LDB2: variants seen among roughly 807,000 people sequenced by gnomAD.
LDB2 encodes the protein LIM domain binding 2.
A neutral mutation model predicts 44.3 loss-of-function variants in LDB2; 12 were observed. The observed-to-expected ratio is 0.27, with a 90% CI of 0.17 to 0.44. The LOEUF is 0.44. LDB2 is among the 20% of genes least tolerant of loss of function. The pLI is 1.00. For synonymous variants in LDB2, 164 were observed against 174.8 expected, an observed-to-expected ratio of 0.94 and a Z score of 0.49; for missense variants, 344 against 473.5, an observed-to-expected ratio of 0.73 and a Z score of 2.54.
At chr4:16,507,104 T>C (rs538552318) in intron 7 of LDB2, 4 of 152,302 alleles carry the variant, frequency 2.6e-5, no homozygotes, top group East Asian at 3.9e-4. Flanking sequence ...TTTGGCTTTT[T>C]CCCCCTGATC....
chr4:16,865,991 T>G (rs1475608833), intron 1 of LDB2, among the ~76,000 whole-genome samples: 1 of 152,148 alleles, frequency 6.6e-6, no homozygotes, highest in African/African-American at 2.4e-5. Flanking sequence ...CTACCCCCAT[T>G]CAGGCACTCT....
intron 2 of LDB2, chr4:16,674,385 G>A (rs1578679109): frequency 2.9e-6 from 2 of 679,964 alleles, no homozygotes; most frequent in East Asian, 6.6e-5. Context: ...TGGAGGCGGT[G>A]TTAGAAGCAG....
chr4:16,617,457 C>T (rs533794678), intron 2 of LDB2, among the ~76,000 whole-genome samples: 3 of 152,252 alleles, frequency 2.0e-5, no homozygotes, highest in South Asian at 4.2e-4. Context: ...AAGCTGGATC[C>T]TGAACAAATA....
At chr4:16,840,383 C>A (rs2110104197) in intron 1 of LDB2, among the ~76,000 whole-genome samples, 2 of 152,266 alleles carry the variant, frequency 1.3e-5, no homozygotes, top group East Asian at 3.9e-4. Context: ...ATCAATGAAC[C>A]TAATCACAAA....
At chr4:16,730,850 T>TTCTGTTCTTAA (rs367629146) in intron 2 of LDB2, among the ~76,000 whole-genome samples, 2,966 of 152,328 alleles carry the variant, frequency 0.019, 39 homozygotes, top group Non-Finnish European at 0.028. Context: ...TATACCCTAC[T>TTCTGTTCTTAA]TCTGAGACAT....
intron 2 of LDB2, among the ~76,000 whole-genome samples, chr4:16,742,821 C>A (rs1232138692): frequency 1.3e-5 from 2 of 152,158 alleles, no homozygotes; most frequent in Non-Finnish European, 2.9e-5. Flanking sequence ...TCCCGAAATA[C>A]CTTCTTTGCC....
chr4:16,571,946 A>ACTC (rs1412909429), intron 5 of LDB2, among the ~76,000 whole-genome samples: 1 of 152,072 alleles, frequency 6.6e-6, no homozygotes, highest in Non-Finnish European at 1.5e-5. Context: ...TGTGCCTTAA[A>ACTC]CTCTGCTAGG....
intron 2 of LDB2, among the ~76,000 whole-genome samples, chr4:16,696,179 T>C (rs1752081882): frequency 6.6e-6 from 1 of 152,152 alleles, no homozygotes; most frequent in Non-Finnish European, 1.5e-5. Flanking sequence ...AGAGAAGGAA[T>C]GTAAAGCAAT....
intron 1 of LDB2, among the ~76,000 whole-genome samples, chr4:16,767,574 T>C (rs1368413663): frequency 6.6e-6 from 1 of 152,202 alleles, no homozygotes; most frequent in East Asian, 1.9e-4. Flanking sequence ...GAACTGTGTG[T>C]GGCGAGTGTT....
At chr4:16,593,212 T>C (rs991230598) in intron 3 of LDB2, among the ~76,000 whole-genome samples, 7 of 152,186 alleles carry the variant, frequency 4.6e-5, no homozygotes, top group African/African-American at 1.7e-4. Flanking sequence ...TGAGAGTTTA[T>C]TGATAGCCTA....
At chr4:16,553,444 G>C (rs954663109) in intron 5 of LDB2, among the ~76,000 whole-genome samples, 7 of 152,280 alleles carry the variant, frequency 4.6e-5, no homozygotes, top group Non-Finnish European at 8.8e-5. Flanking sequence ...TTACAGGCAT[G>C]GGCCACTGCA....
intron 2 of LDB2, among the ~76,000 whole-genome samples, chr4:16,601,964 G>A (rs925533728): frequency 1.3e-5 from 2 of 152,050 alleles, no homozygotes; most frequent in African/African-American, 4.8e-5. Context: ...CTAGTTCAAG[G>A]TAGATCTTGT....
chr4:16,790,296 G>A (rs1775427402), intron 1 of LDB2, among the ~76,000 whole-genome samples: 1 of 152,158 alleles, frequency 6.6e-6, no homozygotes, highest in Non-Finnish European at 1.5e-5. Flanking sequence ...TGCCCTCAAA[G>A]TTTTGTTTCT....
At chr4:16,741,366 C>T (rs1283831408) in intron 2 of LDB2, 1 of 152,186 alleles carries the variant, frequency 6.6e-6, no homozygotes, top group African/African-American at 2.4e-5. Context: ...GATTACTGTC[C>T]AAGGACATCT....
chr4:16,507,843 G>A (rs966181868), intron 7 of LDB2, among the ~76,000 whole-genome samples: 1 of 152,208 alleles, frequency 6.6e-6, no homozygotes, highest in Non-Finnish European at 1.5e-5. Context: ...AATAAAAGAT[G>A]AAGAAAGTTC....
intron 5 of LDB2, among the ~76,000 whole-genome samples, chr4:16,554,770 A>G (rs1738908432): frequency 6.6e-6 from 1 of 152,220 alleles, no homozygotes; most frequent in Non-Finnish European, 1.5e-5. Context: ...AAATGGGGAG[A>G]GACGGATGAA....
At chr4:16,788,872 G>T (rs1248420354) in intron 1 of LDB2, among the ~76,000 whole-genome samples, 1 of 152,136 alleles carries the variant, frequency 6.6e-6, no homozygotes, top group Non-Finnish European at 1.5e-5. Flanking sequence ...ACTCCTTCCT[G>T]TCCAGCCTAC....
intron 2 of LDB2, among the ~76,000 whole-genome samples, chr4:16,755,597 G>T (rs867544680): frequency 2.5e-4 from 38 of 150,450 alleles, no homozygotes; most frequent in Non-Finnish European, 4.9e-4. Context: ...GCAAACCTGA[G>T]GCTCAGCCTC....
chr4:16,559,334 G>C (rs1741111661), intron 5 of LDB2, among the ~76,000 whole-genome samples: 1 of 152,110 alleles, frequency 6.6e-6, no homozygotes, highest in Non-Finnish European at 1.5e-5. Context: ...CACATGCAGA[G>C]ACACACATGG....
Sources: allele counts gnomAD v4.1 joint callset (sites outside exome capture counted in the v4.1 genomes callset), GRCh38; gene constraint gnomAD v4.1.1; transcripts MANE v1.5; gene names NCBI Gene and HGNC (gene_info 2026-07-23, HGNC 2026-07-21).